FBXW2: variants seen among roughly 807,000 people sequenced by gnomAD.
The protein encoded by FBXW2 is F-box/WD repeat-containing protein 2.
FBXW2 carries 12 observed loss-of-function variants against 46.0 expected under a neutral mutation model. The ratio of observed to expected loss-of-function variants is 0.26; its 90% CI spans 0.17 to 0.42. The LOEUF is 0.42. Among genes scored for constraint, FBXW2 ranks in the 10% least tolerant of loss-of-function variants. The probability of loss-of-function intolerance (pLI) is 1.00; values close to 1 mark genes in which losing one functional copy is unlikely to be tolerated. For synonymous variants in FBXW2, 203 were observed against 209.6 expected (o/e 0.97, Z 0.27); for missense variants, 360 against 537.0 (o/e 0.67, Z 3.26).
chr9:120,782,575 C>T lies in FBXW2; in HGVS notation c.491-4030G>A, dbSNP rs145581952. On this transcript the variant is annotated intron_variant, in intron 3 of 7. Coordinates refer to ENST00000608872, the MANE Select transcript of FBXW2 (RefSeq NM_012164.4). ...ACAGGGTTTAGGCTGGACATGGTGGCTCATGCCTGTAATCCCAACACTTCA... is the reference window on the plus strand; with the variant it reads ...ACAGGGTTTAGGCTGGACATGGTGGTTCATGCCTGTAATCCCAACACTTCA... Among the ~76,000 whole-genome samples, 7 of 152,238 alleles carry T rather than the reference C, an allele frequency of 4.6e-5. No individual in the cohort carries two copies. In the East Asian group the frequency reaches 1.3e-3, roughly 29 times the overall value.
intron 6 of FBXW2, among the ~76,000 whole-genome samples, chr9:120,772,102 G>A (rs2044389500): frequency 6.7e-6 from 1 of 149,744 alleles, no homozygotes; most frequent in Admixed American, 6.7e-5. Flanking sequence ...GTAAGAATGT[G>A]AGAGTACTTT....
intron 4 of FBXW2, 78 bp from the exon 5 acceptor site, chr9:120,776,304 T>G: frequency 6.8e-7 from 1 of 1,478,390 alleles, no homozygotes. Context: ...TAATGTTTAT[T>G]TTCCCCAATT....
chr9:120,769,732 T>C (rs953429910), intron 7 of FBXW2, among the ~76,000 whole-genome samples: 1 of 152,196 alleles, frequency 6.6e-6, no homozygotes, highest in South Asian at 2.1e-4. Context: ...TATATACCTA[T>C]TGGATAATCC....
intron 5 of FBXW2, among the ~76,000 whole-genome samples, chr9:120,774,242 C>G (rs2044442323): frequency 6.7e-6 from 1 of 149,114 alleles, no homozygotes; most frequent in African/African-American, 2.5e-5. Context: ...GAGGCTGAAG[C>G]AGGAGAATCA....
Position 120,772,937 on chromosome 9 carries a change from T to C in FBXW2, c.820-97A>G, listed in dbSNP as rs908090141. The C allele has an allele frequency of 1.3e-5, 11 of 830,240 alleles. No individual in the cohort carries two copies. The Admixed American group carries it at 2.2e-4, about 16-fold the overall frequency. The allele number at this position is 830,240 out of a possible 1,614,324, so 51.4% of individuals were successfully genotyped here. A position where few individuals can be genotyped will look rare whatever the true frequency, so the allele number is the denominator to read the frequency against. The stretch of plus-strand genomic sequence containing the variant: ...AAAATACAAAAATGAGCTTAACATA[T>C]GCTAGAATAGCTAAGCCATAACTCC... On this transcript the variant is annotated intron_variant, in intron 5 of 7. Transcript: ENST00000608872.
chr9:120,784,199 T>C (rs982850481), intron 3 of FBXW2, among the ~76,000 whole-genome samples: 6 of 152,220 alleles, frequency 3.9e-5, no homozygotes, highest in Admixed American at 3.9e-4. Context: ...ATTGTAGATA[T>C]TAACTTTCCA....
intron 2 of FBXW2, 32 bp from the exon 3 acceptor site, chr9:120,788,310 G>A (rs1263166061): frequency 6.3e-7 from 1 of 1,576,718 alleles, no homozygotes; most frequent in Non-Finnish European, 8.6e-7. Flanking sequence ...TATTAGTTCT[G>A]CTCAAAAAGA....
At chr9:120,789,949 A>G (rs1183186779) in intron 2 of FBXW2, among the ~76,000 whole-genome samples, 10 of 152,244 alleles carry the variant, frequency 6.6e-5, no homozygotes. Context: ...ATTAATCTGT[A>G]TTAAAAATTT....
Position 120,760,193 on chromosome 9 carries a change from C to T in FBXW2, c.*4366G>A, listed in dbSNP as rs1164878789. On this transcript the variant is annotated 3_prime_UTR_variant, in exon 8 of 8. Coordinates refer to ENST00000608872, the MANE Select transcript of FBXW2 (RefSeq NM_012164.4). Reference sequence around the variant, plus strand: ...CTAAAGGGCTTCTCCCCTATCCTGACAACTGTGTCCACAGGCAAAGGTGAC... The same window carrying T: ...CTAAAGGGCTTCTCCCCTATCCTGATAACTGTGTCCACAGGCAAAGGTGAC... 6.6e-6 allele frequency: 1 copy of T among 152,228 alleles called. No homozygotes were observed. Among genetic ancestry groups the T allele is most frequent in the African/African-American group, 2.4e-5 (1 of 41,442 alleles). The allele number at this position is 152,228 out of a possible 1,614,324, so 9.4% of individuals were successfully genotyped here. A position where few individuals can be genotyped will look rare whatever the true frequency, so the allele number is the denominator to read the frequency against.
intron 7 of FBXW2, among the ~76,000 whole-genome samples, chr9:120,770,930 CAGA>C (rs764213398): frequency 7.9e-5 from 12 of 152,220 alleles, no homozygotes; most frequent in Non-Finnish European, 1.3e-4. Context: ...TACTAGTCAA[CAGA>C]AGGTCACTTG....
rs774331025 is a variant in FBXW2 at position 120,787,791 on chromosome 9, G to A, written c.468C>T (p.Tyr156=). ...TACCTGTACAGAGAAGTCCATCTTT[G>A]TAGTAAAGTGCATACACTCTGGCAC... ...GHSARVYALY[Y]KDGLLCTGSD... The change falls in exon 3 of 8, where the codon TAC becomes TAT. Residue 156 remains tyrosine, a synonymous_variant. Transcript: ENST00000608872. 6.2e-7 allele frequency: 1 copy of A among 1,613,624 alleles called. No individual in the cohort carries two copies.
rs141712722 is a variant in FBXW2, at chr9:120,776,023, G to A, written c.819+70C>T. 2,409 of 1,573,960 alleles carry A rather than the reference G, an allele frequency of 1.5e-3. 1 individual carries two copies. Among genetic ancestry groups the A allele is most frequent in the Non-Finnish European group, 2.0e-3 (2,281 of 1,157,294 alleles). Reference sequence around the variant, plus strand: ...TGACTCACCTAACACTTATAAGGCAGTGTCTACCATCCTCCACGCCCTCCC... The same window carrying A: ...TGACTCACCTAACACTTATAAGGCAATGTCTACCATCCTCCACGCCCTCCC... On this transcript the variant is annotated intron_variant, in intron 5 of 7. Coordinates refer to ENST00000608872, the MANE Select transcript of FBXW2 (RefSeq NM_012164.4).
chr9:120,784,904 G>C (rs939727373), intron 3 of FBXW2, among the ~76,000 whole-genome samples: 19 of 147,250 alleles, frequency 1.3e-4, no homozygotes, highest in African/African-American at 4.7e-4. Context: ...CCGGGTGACA[G>C]AGGAGCTCCT....
chr9:120,787,955 A>C lies in FBXW2; in HGVS notation c.304T>G (p.Cys102Gly), dbSNP rs1192446982. ...TCTATCTGCCAGCCCAAATTTTTAC[A>C]TGCAGTCTGCCACACCTCTGTACAG... ...SACTEVWQTA[C>G]KNLGWQIDDS... The change falls in exon 3 of 8, where the codon TGT becomes GGT. Residue 102 changes from cysteine (C) to glycine (G), a missense_variant. Physicochemically the swap from Cys to Gly is radical, Grantham distance 159. Coordinates refer to ENST00000608872, the MANE Select transcript of FBXW2 (RefSeq NM_012164.4). 1 of 1,614,220 alleles carries C rather than the reference A, an allele frequency of 6.2e-7. No homozygotes were observed.
At chr9:120,783,360 T>C (rs1394392510) in intron 3 of FBXW2, among the ~76,000 whole-genome samples, 1 of 152,114 alleles carries the variant, frequency 6.6e-6, no homozygotes, top group Non-Finnish European at 1.5e-5. Context: ...TCACCAGTGA[T>C]GCAGCATAGA....
At chr9:120,781,629 T>C (rs2131347540) in intron 3 of FBXW2, among the ~76,000 whole-genome samples, 1 of 55,648 alleles carries the variant, frequency 1.8e-5, no homozygotes, top group South Asian at 8.2e-4. Context: ...ATATATTTTA[T>C]ATACATACAC....
At chr9:120,782,545 A>C (rs2044638489) in intron 3 of FBXW2, among the ~76,000 whole-genome samples, 1 of 151,252 alleles carries the variant, frequency 6.6e-6, no homozygotes. Context: ...GGCAATGTTT[A>C]ACTGACAGGG....
chr9:120,783,024 T>G lies in FBXW2; in HGVS notation c.491-4479A>C, dbSNP rs548513064. On this transcript the variant is annotated intron_variant, in intron 3 of 7. Coordinates refer to ENST00000608872, the MANE Select transcript of FBXW2 (RefSeq NM_012164.4). ...TGGTGATGACTGCACAACAACGTAA[T>G]GTACTTAATGGCACTCAACTGTATG... Among the ~76,000 whole-genome samples the G allele has an allele frequency of 4.5e-4, 69 of 152,254 alleles. 2 individuals are homozygous for G. The South Asian group carries it at 0.014, about 31-fold the overall frequency.
chr9:120,766,653 TGA>T (rs2044281022), intron 7 of FBXW2, among the ~76,000 whole-genome samples: 1 of 151,962 alleles, frequency 6.6e-6, no homozygotes, highest in African/African-American at 2.4e-5. Context: ...TTAGTAGAGA[TGA>T]GGTTTTACCA....
Sources: gnomAD v4.1 joint callset for allele counts (sites outside exome capture counted in the v4.1 genomes callset) on GRCh38, gnomAD v4.1.1 for gene constraint, MANE v1.5 for transcripts, NCBI Gene and HGNC (gene_info 2026-07-23, HGNC 2026-07-21) for gene names.